Variants in SLC26A7 observed in about 807,000 individuals in gnomAD.
SLC26A7 encodes anion exchange transporter.
Under a neutral mutation model 82.5 loss-of-function variants are expected in SLC26A7, and 59 were observed. The observed-to-expected ratio is 0.72, with a 90% CI of 0.58 to 0.89. SLC26A7 has a LOEUF of 0.89. SLC26A7 is among the 40% of genes least tolerant of loss of function. The pLI is 0.00. For missense variants in SLC26A7, 820 were observed against 793.0 expected, an observed-to-expected ratio of 1.03 and a Z score of -0.41; for synonymous variants, 271 against 274.3, an observed-to-expected ratio of 0.99 and a Z score of 0.12.
chr8:91,391,046 A>G (rs1250933447), intron 16 of SLC26A7, among the ~76,000 whole-genome samples: 1 of 152,176 alleles, frequency 6.6e-6, no homozygotes, highest in Non-Finnish European at 1.5e-5. Context: ...AATCCTTGAA[A>G]AGGTCTCATG....
chr8:91,342,693 G>A (rs1125711), intron 8 of SLC26A7, among the ~76,000 whole-genome samples: 116,447 of 152,174 alleles, frequency 0.77, 45,747 homozygotes, highest in Non-Finnish European at 0.87. Context: ...TAGCCATCCA[G>A]AGGGAGATAC....
In SLC26A7 at chr8:91,389,373, T is replaced by G; in HGVS notation, c.1711T>G (p.Tyr571Asp). 1 of 1,614,130 alleles carries G rather than the reference T, an allele frequency of 6.2e-7. No homozygotes were observed. The highest frequency in any genetic ancestry group is 2.2e-5 in the East Asian group (1 of 44,874). The change falls in exon 16 of 19, where the codon TAT becomes GAT. Residue 571 changes from tyrosine to aspartate, a missense_variant. Tyr to Asp is a radical substitution (Grantham distance 160). Coordinates refer to ENST00000276609, the MANE Select transcript of SLC26A7 (RefSeq NM_052832.4). Reference sequence around the variant, plus strand: ...ACAGTCCTGCCCTAATGAGAAGTGTTATTTAATCCTGGATTGCAGTGGATT... The same window carrying G: ...ACAGTCCTGCCCTAATGAGAAGTGTGATTTAATCCTGGATTGCAGTGGATT... ...ASQSCPNEKC[Y>D]LILDCSGFTF...
chr8:91,313,930 G>A (rs1490721434), intron 4 of SLC26A7, among the ~76,000 whole-genome samples: 1 of 152,052 alleles, frequency 6.6e-6, no homozygotes, highest in Non-Finnish European at 1.5e-5. Flanking sequence ...ATATTTGAAA[G>A]CTACTTGCAA....
At chr8:91,321,080 G>A (rs565385744) in intron 5 of SLC26A7, among the ~76,000 whole-genome samples, 10 of 152,292 alleles carry the variant, frequency 6.6e-5, no homozygotes, top group Non-Finnish European at 1.3e-4. Context: ...TTCTGCCACT[G>A]TGTGGTTTCT....
chr8:91,324,037 G>C (rs564110610), intron 5 of SLC26A7, among the ~76,000 whole-genome samples: 1 of 152,084 alleles, frequency 6.6e-6, no homozygotes, highest in African/African-American at 2.4e-5. Context: ...TTATCAGCCA[G>C]GCTGGTCTTG....
chr8:91,380,504 C>T (rs183808706), intron 15 of SLC26A7, among the ~76,000 whole-genome samples: 4 of 152,238 alleles, frequency 2.6e-5, no homozygotes, highest in Admixed American at 2.0e-4. Context: ...ACCATCACTC[C>T]TGACTGAATT....
rs1814203481 is a variant in SLC26A7, at chr8:91,366,692, A to G, written c.1601A>G (p.Asn534Ser). The G allele has an allele frequency of 1.2e-6, 2 of 1,613,124 alleles. No individual in the cohort carries two copies. The highest frequency in any genetic ancestry group is 1.7e-6 in the Non-Finnish European group (2 of 1,179,724). Reference protein sequence around the residue: ...MNMIQKENACNQPLDDISKCE... With the variant: ...MNMIQKENACSQPLDDISKCE... ...ATGATCCAAAAGGAAAATGCCTGTA[A>G]TCAGCCACTTGATGATATCAGCAAG... The change falls in exon 14 of 19, where the codon AAT becomes AGT. Residue 534 changes from asparagine (N) to serine (S), a missense_variant. Coordinates refer to ENST00000276609, the MANE Select transcript of SLC26A7 (RefSeq NM_052832.4).
At position 91,363,467 on chromosome 8, in the gene SLC26A7, T is replaced by C. The variant is rs749071167; in HGVS notation, c.1422-5T>C. The C allele has an allele frequency of 3.4e-6, 5 of 1,484,112 alleles. No individual in the cohort carries two copies. In the East Asian group the frequency reaches 1.2e-4, roughly 35 times the overall value. The allele number at this position is 1,484,112 out of a possible 1,614,324, so 91.9% of individuals were successfully genotyped here. On this transcript the variant is annotated splice_polypyrimidine_tract_variant and splice_region_variant and intron_variant, in intron 12 of 18. Coordinates refer to ENST00000276609, the MANE Select transcript of SLC26A7 (RefSeq NM_052832.4). ...TGTTTTATTTTCTATCTGCTTTAAT[T>C]TCAGAGCAATGACTGTAAGTATAAA...
intron 2 of SLC26A7, among the ~76,000 whole-genome samples, chr8:91,228,647 G>A (rs941919709): frequency 1.5e-5 from 2 of 136,820 alleles, no homozygotes; most frequent in African/African-American, 5.7e-5. Context: ...GAAAGTGAGT[G>A]TATTGGAAAG....
chr8:91,311,063 C>A (rs935102997), intron 4 of SLC26A7, among the ~76,000 whole-genome samples: 10 of 152,192 alleles, frequency 6.6e-5, no homozygotes, highest in African/African-American at 2.4e-4. Flanking sequence ...CAGAGCTATA[C>A]CCATATGGAT....
chr8:91,393,706 A>T, intron 16 of SLC26A7, 91 bp from the exon 17 acceptor site: 2 of 1,400,792 alleles, frequency 1.4e-6, no homozygotes, highest in Non-Finnish European at 2.0e-6. Flanking sequence ...CATCGGCTTT[A>T]AAGAAAGTTT....
intron 5 of SLC26A7, among the ~76,000 whole-genome samples, chr8:91,332,491 T>TACACACACACACACACAC (rs34306717): frequency 3.2e-5 from 4 of 125,222 alleles, no homozygotes; most frequent in African/African-American, 9.0e-5. Flanking sequence ...ATATATTTAA[T>TACACACACACACACACAC]ACACACACAC....
intron 2 of SLC26A7, chr8:91,219,336 A>C (rs1232590524): frequency 5.8e-6 from 1 of 170,958 alleles, no homozygotes; most frequent in Non-Finnish European, 1.2e-5. Flanking sequence ...GGGGAAAAGT[A>C]TTTATTTTAT....
At chr8:91,211,223 T>C (rs2130645336) in intron 1 of SLC26A7, among the ~76,000 whole-genome samples, 1 of 152,192 alleles carries the variant, frequency 6.6e-6, no homozygotes, top group East Asian at 1.9e-4. Context: ...TGTTTTGCTT[T>C]ATAAAAACCA....
At chr8:91,210,952 T>A (rs1361859098) in intron 1 of SLC26A7, among the ~76,000 whole-genome samples, 1 of 152,088 alleles carries the variant, frequency 6.6e-6, no homozygotes, top group Non-Finnish European at 1.5e-5. Context: ...TTGGTAAAAC[T>A]ATATACCACC....
intron 2 of SLC26A7, among the ~76,000 whole-genome samples, chr8:91,284,832 T>A (rs1249262470): frequency 2.0e-5 from 3 of 152,238 alleles, no homozygotes. Context: ...GAATTAGAAG[T>A]ACAAAGGTTG....
At chr8:91,293,715 A>G (rs1350548780) in intron 3 of SLC26A7, among the ~76,000 whole-genome samples, 1 of 152,214 alleles carries the variant, frequency 6.6e-6, no homozygotes, top group Non-Finnish European at 1.5e-5. Context: ...TAAATTAAAA[A>G]ATTAACTCAT....
At chr8:91,338,259 T>C in intron 7 of SLC26A7, 27 bp downstream of exon 7, 1 of 1,531,846 alleles carries the variant, frequency 6.5e-7, no homozygotes, top group East Asian at 2.3e-5. Context: ...TAAAAACATA[T>C]TATTTGTTTG....
chr8:91,324,670 C>T (rs917593572), intron 5 of SLC26A7, among the ~76,000 whole-genome samples: 7 of 152,016 alleles, frequency 4.6e-5, no homozygotes, highest in East Asian at 1.9e-4. Flanking sequence ...TGAGGAGGGA[C>T]GCAAAGTATG....
Sources: allele counts gnomAD v4.1 joint callset (sites outside exome capture counted in the v4.1 genomes callset), GRCh38; gene constraint gnomAD v4.1.1; transcripts MANE v1.5; gene names NCBI Gene and HGNC (gene_info 2026-07-23, HGNC 2026-07-21).